Variants in CHAF1A observed in about 807,000 individuals in gnomAD.
CHAF1A encodes chromatin assembly factor 1 subunit A.
Under a neutral mutation model 93.2 loss-of-function variants are expected in CHAF1A, and 5 were observed. That is an observed-to-expected ratio of 0.05 (90% CI 0.03 to 0.11). CHAF1A has a LOEUF of 0.11. Ranked by LOEUF, CHAF1A falls within the 10% of genes least tolerant of loss-of-function variation. The pLI, the probability that CHAF1A is intolerant of heterozygous loss-of-function variation, is 1.00. For missense variants in CHAF1A, 1,102 were observed against 1,259.9 expected (o/e 0.87, Z 1.90); for synonymous variants, 504 against 510.3 (o/e 0.99, Z 0.17).
intron 13 of CHAF1A, among the ~76,000 whole-genome samples, chr19:4,438,450 C>T (rs563994608): frequency 3.3e-5 from 5 of 151,904 alleles, no homozygotes; most frequent in African/African-American, 7.2e-5. Flanking sequence ...CCACCTGCCT[C>T]GGCCTCCCAA....
At position 4,409,222 on chromosome 19, in the gene CHAF1A, T is replaced by G; in HGVS notation, c.423T>G (p.Ser141=). 6.2e-7 allele frequency: 1 copy of G among 1,614,138 alleles called. No homozygotes were observed. The highest frequency in any genetic ancestry group is 8.5e-7 in the Non-Finnish European group (1 of 1,180,022). The part of the protein sequence containing the change: ...VDHNKLNSEA[S]PSREAINGQR... ...ACAATAAACTAAATTCTGAAGCCTCTCCCTCCAGGGAGGCAATAAATGGCC... is the reference window on the plus strand; with the variant it reads ...ACAATAAACTAAATTCTGAAGCCTCGCCCTCCAGGGAGGCAATAAATGGCC... Residue 141 remains serine, a synonymous_variant, in exon 3 of 15, where the codon TCT becomes TCG. Transcript: ENST00000301280.
At chr19:4,426,965 G>A (rs1040198478) in intron 7 of CHAF1A, among the ~76,000 whole-genome samples, 30 of 151,314 alleles carry the variant, frequency 2.0e-4, no homozygotes, top group South Asian at 4.2e-4. Context: ...GGTGGTAGGC[G>A]TCTGTAATCC....
At chr19:4,426,725 C>T (rs1189078558) in intron 7 of CHAF1A, among the ~76,000 whole-genome samples, 1 of 152,144 alleles carries the variant, frequency 6.6e-6, no homozygotes, top group East Asian at 1.9e-4. Context: ...CCGCCTACCT[C>T]GGCCTCCCAA....
downstream of CHAF1A, chr19:4,448,459 G>A (rs760652207): frequency 3.3e-6 from 5 of 1,507,964 alleles, no homozygotes; most frequent in South Asian, 4.7e-5. Context: ...GAGAGCCCGG[G>A]CCGCACGGCC....
chr19:4,410,116 C>G (rs758827488), intron 3 of CHAF1A, among the ~76,000 whole-genome samples: 1 of 152,190 alleles, frequency 6.6e-6, no homozygotes, highest in Non-Finnish European at 1.5e-5. Context: ...CCAGCTTTCT[C>G]TGTGCCCTTC....
intron 4 of CHAF1A, among the ~76,000 whole-genome samples, chr19:4,421,455 G>A (rs892999470): frequency 1.3e-5 from 2 of 152,160 alleles, no homozygotes; most frequent in African/African-American, 4.8e-5. Context: ...TTTTTCTCAT[G>A]ATGGAAGGAA....
chr19:4,447,637 G>A (rs377124839), downstream of CHAF1A: 510 of 1,613,860 alleles, frequency 3.2e-4, 4 homozygotes, highest in South Asian at 5.3e-3. Flanking sequence ...TGGGGTAGGT[G>A]GAGAAGGTGA....
At chr19:4,416,630 C>T (rs1468648726) in intron 3 of CHAF1A, among the ~76,000 whole-genome samples, 1 of 140,912 alleles carries the variant, frequency 7.1e-6, no homozygotes, top group African/African-American at 2.6e-5. Flanking sequence ...GTGGCTCACG[C>T]CTGAATTCCT....
Position 4,409,572 on chromosome 19 carries a change from C to G in CHAF1A, c.773C>G (p.Ala258Gly). 2 of 1,614,120 alleles carry G rather than the reference C, an allele frequency of 1.2e-6. No individual in the cohort carries two copies. Among genetic ancestry groups the G allele is most frequent in the Non-Finnish European group, 1.7e-6 (2 of 1,179,998 alleles). The change falls in exon 3 of 15, where the codon GCC becomes GGC. Residue 258 changes from alanine (A) to glycine (G), a missense_variant. Physicochemically the swap from Ala to Gly is moderately conservative, Grantham distance 60. Around this residue, in one of 6 missense-constraint regions of CHAF1A, gnomAD observed 379 missense variants for 365.7 expected, o/e 1.04. Coordinates refer to ENST00000301280, the MANE Select transcript of CHAF1A (RefSeq NM_005483.3). ...CCACCGCAAATCAAGTCCCTTCCAG[C>G]CACACCCCAAGGCAAGAACATGACC... is the stretch of plus-strand genomic sequence containing the variant. ...VRPPQIKSLPATPQGKNMTPE... is the reference protein window; with the variant it reads ...VRPPQIKSLPGTPQGKNMTPE...
chr19:4,410,484 G>A (rs573290579), intron 3 of CHAF1A, among the ~76,000 whole-genome samples: 97 of 151,078 alleles, frequency 6.4e-4, no homozygotes, highest in Non-Finnish European at 6.3e-4. Context: ...AGGTTCAAGC[G>A]ATTCTCCTGC....
chr19:4,427,736 T>C (rs1229125011), intron 7 of CHAF1A, among the ~76,000 whole-genome samples: 1 of 152,170 alleles, frequency 6.6e-6, no homozygotes, highest in Non-Finnish European at 1.5e-5. Context: ...TACAGGTGCA[T>C]GCCACCGTGC....
intron 1 of CHAF1A, among the ~76,000 whole-genome samples, chr19:4,404,499 G>C (rs1973644799): frequency 6.6e-6 from 1 of 152,148 alleles, no homozygotes; most frequent in Non-Finnish European, 1.5e-5. Flanking sequence ...TTGGTAAGTG[G>C]ACACTTGAGA....
intron 3 of CHAF1A, among the ~76,000 whole-genome samples, chr19:4,417,612 C>T (rs1037598564): frequency 2.0e-5 from 3 of 152,078 alleles, no homozygotes; most frequent in African/African-American, 7.2e-5. Flanking sequence ...AGGCACCTGC[C>T]ACCACGCTCG....
rs548963374 is a variant in CHAF1A, at chr19:4,423,718, G to A, written c.1309-88G>A. 3.9e-5 allele frequency: 51 copies of A among 1,315,976 alleles called. No homozygotes were observed. In the South Asian group the frequency reaches 4.4e-4, roughly 11 times the overall value. 81.5% of individuals were successfully genotyped at this position (1,315,976 alleles called of 1,614,324 possible). On this transcript the variant is annotated intron_variant, in intron 6 of 14. Coordinates refer to ENST00000301280, the MANE Select transcript of CHAF1A (RefSeq NM_005483.3). ...GTGCCTTCAAGCTAAAATGCTTGAC[G>A]TTCGGTTCTGGGGGCCTTTGCATGT...
At chr19:4,437,152 G>A (rs779397516) in intron 13 of CHAF1A, among the ~76,000 whole-genome samples, 13 of 151,398 alleles carry the variant, frequency 8.6e-5, no homozygotes, top group African/African-American at 2.2e-4. Context: ...AAGGTCACAC[G>A]TGAAGGAATG....
Position 4,411,763 on chromosome 19 carries a change from T to C in CHAF1A, c.960+2004T>C, listed in dbSNP as rs902296120. On this transcript the variant is annotated intron_variant, in intron 3 of 14. Coordinates refer to ENST00000301280, the MANE Select transcript of CHAF1A (RefSeq NM_005483.3). ...TCTAGGTTCAAGCGATTTTCCTGCG[T>C]CAGCCTCTTGAGTAGCTGGGATTAC... 2.7e-5 allele frequency among the ~76,000 whole-genome samples: 4 copies of C among 150,610 alleles called. No individual in the cohort carries two copies. The East Asian group carries it at 7.9e-4, about 30-fold the overall frequency.
chr19:4,409,130 G>A lies in CHAF1A; in HGVS notation c.331G>A (p.Gly111Ser). 6.2e-7 allele frequency: 1 copy of A among 1,614,162 alleles called. No individual in the cohort carries two copies. ...FLRNRIETSIGQSTVIIDLTE... is the reference protein window; with the variant it reads ...FLRNRIETSISQSTVIIDLTE... Reference sequence around the variant, plus strand: ...AAGAAATAGAATCGAAACCAGTATTGGCCAGAGCACAGTCATCATTGATTT... The same window carrying A: ...AAGAAATAGAATCGAAACCAGTATTAGCCAGAGCACAGTCATCATTGATTT... The change falls in exon 3 of 15, where the codon GGC becomes AGC. Residue 111 changes from glycine to serine, a missense_variant. Coordinates refer to ENST00000301280, the MANE Select transcript of CHAF1A (RefSeq NM_005483.3).
In CHAF1A at chr19:4,431,956, G is replaced by T; in HGVS notation, c.1952G>T (p.Cys651Phe). ...LSEDEGVTEE[C>F]ADPENHKVRQ... ...TTCTGCTTTCTAAACCACAAGGAGTGTGCCGACCCTGAGAACCATAAGGTC... is the reference window on the plus strand; with the variant it reads ...TTCTGCTTTCTAAACCACAAGGAGTTTGCCGACCCTGAGAACCATAAGGTC... The change falls in exon 12 of 15, where the codon TGT becomes TTT. Residue 651 changes from cysteine (C) to phenylalanine (F), a missense_variant. Cys to Phe is a radical substitution (Grantham distance 205). Around this residue, in one of 6 missense-constraint regions of CHAF1A, gnomAD observed 335 missense variants for 361.9 expected, o/e 0.93. Coordinates refer to ENST00000301280, the MANE Select transcript of CHAF1A (RefSeq NM_005483.3). 1 of 1,607,292 alleles carries T rather than the reference G, an allele frequency of 6.2e-7. No homozygotes were observed. Among genetic ancestry groups the T allele is most frequent in the Non-Finnish European group, 8.5e-7 (1 of 1,174,632 alleles).
In CHAF1A at chr19:4,408,933, T is replaced by C. The variant is rs751161984; in HGVS notation, c.134T>C (p.Val45Ala). The change falls in exon 3 of 15, where the codon GTC becomes GCC. Residue 45 changes from valine to alanine, a missense_variant. Physicochemically the swap from Val to Ala is moderately conservative, Grantham distance 64. Transcript: ENST00000301280. ...CTGCCGTTTAAGCGCCTGAATCTTGTCCCAAAGGGGAAAGCCGATGACATG... is the reference window on the plus strand; with the variant it reads ...CTGCCGTTTAAGCGCCTGAATCTTGCCCCAAAGGGGAAAGCCGATGACATG... ...ARLPFKRLNL[V>A]PKGKADDMSD... 1 of 1,610,980 alleles carries C rather than the reference T, an allele frequency of 6.2e-7. No individual in the cohort carries two copies. Among genetic ancestry groups the C allele is most frequent in the African/African-American group, 1.3e-5 (1 of 74,590 alleles).
Sources: allele counts gnomAD v4.1 joint callset (sites outside exome capture counted in the v4.1 genomes callset), GRCh38; gene constraint gnomAD v4.1.1; regional missense constraint gnomAD v4.1.1; transcripts MANE v1.5; gene names NCBI Gene and HGNC (gene_info 2026-07-23, HGNC 2026-07-21).